PAPSS2: variants seen among roughly 807,000 people sequenced by gnomAD.
PAPSS2 encodes the protein bifunctional 3'-phosphoadenosine 5'-phosphosulfate synthase 2.
PAPSS2 carries 61 observed loss-of-function variants against 66.5 expected under a neutral mutation model. The observed-to-expected ratio is 0.92, with a 90% CI of 0.75 to 1.14. PAPSS2 has a LOEUF of 1.14. Among genes scored for constraint, PAPSS2 ranks in the 50% most tolerant of loss-of-function variants. The pLI, the probability that PAPSS2 is intolerant of heterozygous loss-of-function variation, is 0.00. For synonymous variants in PAPSS2, 289 were observed against 287.5 expected, an observed-to-expected ratio of 1.01 and a Z score of -0.05; for missense variants, 708 against 789.6, an observed-to-expected ratio of 0.90 and a Z score of 1.24.
chr10:87,678,698 A>G (rs146897041), intron 1 of PAPSS2, among the ~76,000 whole-genome samples: 151 of 152,272 alleles, frequency 9.9e-4, no homozygotes, highest in African/African-American at 3.6e-3. Context: ...CACATCACTA[A>G]TTGTCAGGAA....
At chr10:87,733,522 CAATGA>C (rs553050378) in intron 9 of PAPSS2, among the ~76,000 whole-genome samples, 1 of 152,272 alleles carries the variant, frequency 6.6e-6, no homozygotes, top group South Asian at 2.1e-4. Flanking sequence ...TATGACTTCT[CAATGA>C]AAGATGGGAA....
rs1853896587 is a variant in PAPSS2, at chr10:87,743,466, A to G, written c.1316A>G (p.Tyr439Cys). Residue 439 changes from tyrosine (Y) to cysteine (C), a missense_variant, in exon 11 of 13, where the codon TAC becomes TGC. By Grantham distance (194) the Tyr-to-Cys change is radical (BLOSUM62 -2). Transcript: ENST00000456849. ...DTRRRLLERG[Y>C]KHPVLLLHPL... is the part of the protein sequence containing the mutation. ...CGCCGCAGGCTCCTAGAGAGGGGCT[A>G]CAAGCACCCGGTCCTCCTACTACAC... 2 of 1,613,986 alleles carry G rather than the reference A, an allele frequency of 1.2e-6. No individual in the cohort carries two copies. The highest frequency in any genetic ancestry group is 3.3e-5 in the Admixed American group (2 of 60,002).
At chr10:87,678,532 T>C (rs1852977460) in intron 1 of PAPSS2, among the ~76,000 whole-genome samples, 1 of 152,108 alleles carries the variant, frequency 6.6e-6, no homozygotes, top group Non-Finnish European at 1.5e-5. Context: ...GAGAAAATAT[T>C]GCATACTATC....
At chr10:87,734,661 GTGTATATATATATA>G (rs1293459509) in intron 9 of PAPSS2, among the ~76,000 whole-genome samples, 9 of 90,382 alleles carry the variant, frequency 1.0e-4, no homozygotes, top group South Asian at 3.9e-4. Context: ...ATGAATGTGT[GTGTATATATATATA>G]TATATATATA....
In PAPSS2 at chr10:87,741,242, T is replaced by C; in HGVS notation, c.1094T>C (p.Met365Thr). The C allele has an allele frequency of 1.2e-6, 2 of 1,613,728 alleles. No homozygotes were observed. Among genetic ancestry groups the C allele is most frequent in the Non-Finnish European group, 1.7e-6 (2 of 1,179,646 alleles). The change falls in exon 10 of 13, where the codon ATG (methionine) becomes ACG (threonine). Residue 365 changes from methionine (M) to threonine (T), a missense_variant. Physicochemically the swap from Met to Thr is moderately conservative, Grantham distance 81. Transcript: ENST00000456849. ...CTKHPHIKMV[M>T]ESGDWLVGGD... ...TAACAATGTTCTTTCTAGATGGTGA[T>C]GGAAAGTGGGGACTGGCTGGTTGGT...
rs7085772 is a variant in PAPSS2 at position 87,700,846 on chromosome 10, A to G, written c.28-8350A>G. Among the ~76,000 whole-genome samples the G allele has an allele frequency of 2.3e-3, 356 of 152,082 alleles. 1 individual carries two copies. Among genetic ancestry groups the G allele is most frequent in the African/African-American group, 8.1e-3 (338 of 41,530 alleles). ...CAAAGTAGAAGGGAAATAAATTATA[A>G]TATATTTGAGATTGCTGGATGTAAT... On this transcript the variant is annotated intron_variant, in intron 1 of 12. Transcript: ENST00000456849.
intron 1 of PAPSS2, among the ~76,000 whole-genome samples, chr10:87,677,939 A>T (rs1852969296): frequency 6.6e-6 from 1 of 152,202 alleles, no homozygotes; most frequent in African/African-American, 2.4e-5. Context: ...AAATAAAGAT[A>T]AGCATTTTAA....
At position 87,727,404 on chromosome 10, in the gene PAPSS2, G is replaced by A. The variant is rs750923679; in HGVS notation, c.1001G>A (p.Arg334Gln). 2.5e-5 allele frequency: 41 copies of A among 1,614,072 alleles called. No individual in the cohort carries two copies. The highest frequency in any genetic ancestry group is 3.3e-4 in the Middle Eastern group (2 of 6,060). ...GGTGGACGGAGGGTAGCTATCTTAC[G>A]AGACGCTGAATTCTATGAACACAGA... The part of the protein sequence containing the change: ...AHGGRRVAIL[R>Q]DAEFYEHRKE... The change falls in exon 9 of 13, where the codon CGA (arginine) becomes CAA (glutamine). Residue 334 changes from arginine to glutamine, a missense_variant. Transcript: ENST00000456849.
chr10:87,741,238 G>A lies in PAPSS2; in HGVS notation c.1090G>A (p.Val364Met), dbSNP rs745844344. The change falls in exon 10 of 13, where the codon GTG becomes ATG. Residue 364 changes from valine (V) to methionine (M), a missense_variant. Coordinates refer to ENST00000456849, the MANE Select transcript of PAPSS2 (RefSeq NM_001015880.2). ...ATCATAACAATGTTCTTTCTAGATG[G>A]TGATGGAAAGTGGGGACTGGCTGGT... ...TCTKHPHIKM[V>M]MESGDWLVGG... 9 of 1,613,510 alleles carry A rather than the reference G, an allele frequency of 5.6e-6. No homozygotes were observed. The South Asian group carries it at 8.8e-5, about 16-fold the overall frequency.
At chr10:87,676,786 C>G (rs1423911953) in intron 1 of PAPSS2, among the ~76,000 whole-genome samples, 1 of 143,000 alleles carries the variant, frequency 7.0e-6, no homozygotes, top group African/African-American at 2.6e-5. Context: ...GTGGGAGGAT[C>G]ACTTGAGCCC....
At chr10:87,681,210 G>A (rs577250642) in intron 1 of PAPSS2, among the ~76,000 whole-genome samples, 7 of 152,192 alleles carry the variant, frequency 4.6e-5, no homozygotes, top group Non-Finnish European at 1.0e-4. Flanking sequence ...GCGTTGGATC[G>A]TGTGAATATA....
Position 87,746,004 on chromosome 10 carries a change from C to A in PAPSS2, c.*34C>A. 1 of 1,595,436 alleles carries A rather than the reference C, an allele frequency of 6.3e-7. No individual in the cohort carries two copies. The highest frequency in any genetic ancestry group is 8.6e-7 in the Non-Finnish European group (1 of 1,163,466). On this transcript the variant is annotated 3_prime_UTR_variant, in exon 13 of 13. Coordinates refer to ENST00000456849, the MANE Select transcript of PAPSS2 (RefSeq NM_001015880.2). The stretch of plus-strand genomic sequence containing the variant: ...CTCCAGAGTTTCTTTCTGAAGTGCT[C>A]TTTGATTACCTTTTCTATTTTTATG...
intron 1 of PAPSS2, among the ~76,000 whole-genome samples, chr10:87,691,337 C>G (rs1251852794): frequency 2.0e-5 from 3 of 152,068 alleles, no homozygotes; most frequent in Non-Finnish European, 4.4e-5. Flanking sequence ...CATACAGATT[C>G]AAAGATAAAC....
intron 1 of PAPSS2, among the ~76,000 whole-genome samples, chr10:87,688,930 C>T (rs186352406): frequency 6.6e-6 from 1 of 151,558 alleles, no homozygotes; most frequent in East Asian, 1.9e-4. Flanking sequence ...TGGAGTCCCA[C>T]CTGAAAGAAA....
chr10:87,683,730 C>G (rs1017167961), intron 1 of PAPSS2, among the ~76,000 whole-genome samples: 2 of 151,522 alleles, frequency 1.3e-5, no homozygotes, highest in Admixed American at 6.6e-5. Context: ...CACTCTGTCA[C>G]CCAGGCTGGA....
chr10:87,660,080 C>G (rs1342241296), intron 1 of PAPSS2, 72 bp downstream of exon 1: 3 of 1,482,240 alleles, frequency 2.0e-6, no homozygotes, highest in Non-Finnish European at 2.8e-6. Flanking sequence ...CCCAATTCCC[C>G]GGCACTTGGG....
chr10:87,664,561 G>A (rs1852792300), intron 1 of PAPSS2, among the ~76,000 whole-genome samples: 1 of 152,166 alleles, frequency 6.6e-6, no homozygotes, highest in Non-Finnish European at 1.5e-5. Context: ...ATGTCTCTTT[G>A]AGATAGTTAT....
At chr10:87,721,354 C>T (rs1289757547) in intron 7 of PAPSS2, among the ~76,000 whole-genome samples, 1 of 152,072 alleles carries the variant, frequency 6.6e-6, no homozygotes, top group Non-Finnish European at 1.5e-5. Flanking sequence ...CTCCCAAAGC[C>T]TAGTTTGGAA....
At chr10:87,660,401 G>A in intron 1 of PAPSS2, 2 of 320,502 alleles carry the variant, frequency 6.2e-6, no homozygotes, top group Non-Finnish European at 1.2e-5. Context: ...CTCCCGTTCT[G>A]CCAGGTCTGG....
Sources: allele counts gnomAD v4.1 joint callset (sites outside exome capture counted in the v4.1 genomes callset), GRCh38; gene constraint gnomAD v4.1.1; transcripts MANE v1.5; gene names NCBI Gene and HGNC (gene_info 2026-07-23, HGNC 2026-07-21).